FZD3: variants seen among roughly 807,000 people sequenced by gnomAD.
FZD3 encodes frizzled-3.
Under a neutral mutation model 60.7 loss-of-function variants are expected in FZD3, and 30 were observed. That is an observed-to-expected ratio of 0.49 (90% confidence interval 0.37 to 0.67). The LOEUF (loss-of-function observed/expected upper bound fraction) is 0.67, where lower values mean the gene tolerates loss of function less well. Ranked by LOEUF, FZD3 falls within the 30% of genes least tolerant of loss-of-function variation. The pLI is 0.00. For synonymous variants in FZD3, 246 were observed against 275.2 expected, an observed-to-expected ratio of 0.89 and a Z score of 1.05; for missense variants, 605 against 838.7, an observed-to-expected ratio of 0.72 and a Z score of 3.44.
chr8:28,532,003 A>G (rs76402615), intron 5 of FZD3, among the ~76,000 whole-genome samples: 7,472 of 152,258 alleles, frequency 0.049, 543 homozygotes, highest in African/African-American at 0.17. Context: ...CTCTAATCCC[A>G]TAAAATTTAT....
At position 28,502,833 on chromosome 8, in the gene FZD3, A is replaced by T. The variant is rs1326304733; in HGVS notation, c.-181A>T. 2.5e-6 allele frequency: 1 copy of T among 401,618 alleles called. No individual in the cohort carries two copies. The highest frequency in any genetic ancestry group is 4.3e-5 in the Admixed American group (1 of 23,392). The allele number at this position is 401,618 out of a possible 1,614,324, so 24.9% of individuals were successfully genotyped here. ...TCCCATATTGTGAAACCAAAAACAA[A>T]CGCCTTTTGTGAGACCAAGCTAACA... On this transcript the variant is annotated 5_prime_UTR_variant, in exon 3 of 8. Coordinates refer to ENST00000240093, the MANE Select transcript of FZD3 (RefSeq NM_017412.4).
At position 28,568,982 on chromosome 8, in the gene FZD3, A is replaced by G. The variant is rs1805754329; in HGVS notation, c.*5971A>G. ...CCTTGAAATAATTCAGATTTTGAAGATTCACTGTTTCATTATTTTGCTAAT... is the reference window on the plus strand; with the variant it reads ...CCTTGAAATAATTCAGATTTTGAAGGTTCACTGTTTCATTATTTTGCTAAT... On this transcript the variant is annotated 3_prime_UTR_variant, in exon 8 of 8. Transcript: ENST00000240093. The G allele has an allele frequency of 6.6e-6, 1 of 152,154 alleles. No individual in the cohort carries two copies. Among genetic ancestry groups the G allele is most frequent in the African/African-American group, 2.4e-5 (1 of 41,454 alleles). The allele number at this position is 152,154 out of a possible 1,614,324, so 9.4% of individuals were successfully genotyped here. A position where few individuals can be genotyped will look rare whatever the true frequency, so the allele number is the denominator to read the frequency against.
At chr8:28,509,171 A>C (rs1160242083) in intron 3 of FZD3, among the ~76,000 whole-genome samples, 1 of 151,990 alleles carries the variant, frequency 6.6e-6, no homozygotes, top group East Asian at 1.9e-4. Flanking sequence ...TTAATTTTTT[A>C]ATTTAAATTT....
intron 5 of FZD3, among the ~76,000 whole-genome samples, chr8:28,532,163 T>A (rs1347904666): frequency 6.6e-6 from 1 of 152,236 alleles, no homozygotes; most frequent in Admixed American, 6.5e-5. Context: ...CTCATTTGTA[T>A]AACCATGTGT....
At chr8:28,521,460 G>A (rs976998077) in intron 4 of FZD3, among the ~76,000 whole-genome samples, 1 of 151,978 alleles carries the variant, frequency 6.6e-6, no homozygotes, top group Non-Finnish European at 1.5e-5. Flanking sequence ...TAAAGAATAA[G>A]GTGAATACTT....
intron 3 of FZD3, among the ~76,000 whole-genome samples, chr8:28,507,587 C>T (rs750342346): frequency 3.3e-4 from 50 of 152,252 alleles, no homozygotes; most frequent in Non-Finnish European, 2.1e-4. Context: ...TTCTTCATTT[C>T]TTAGCTGGAA....
chr8:28,544,029 G>C (rs910637392), intron 5 of FZD3, among the ~76,000 whole-genome samples: 5 of 151,812 alleles, frequency 3.3e-5, no homozygotes, highest in Admixed American at 1.3e-4. Flanking sequence ...CCTCCGGGTG[G>C]GGAGGAGGCT....
At chr8:28,541,619 C>T (rs1051163492) in intron 5 of FZD3, among the ~76,000 whole-genome samples, 4 of 152,180 alleles carry the variant, frequency 2.6e-5, no homozygotes, top group African/African-American at 9.7e-5. Context: ...TATCCAGTCC[C>T]ATGTTTCAGA....
At chr8:28,545,834 A>G (rs576611532) in intron 5 of FZD3, among the ~76,000 whole-genome samples, 10 of 152,250 alleles carry the variant, frequency 6.6e-5, no homozygotes, top group Non-Finnish European at 1.2e-4. Flanking sequence ...ATATGTATAA[A>G]TAATATTATA....
At position 28,520,221 on chromosome 8, in the gene FZD3, CAAAA is replaced by C. The variant is rs199633141; in HGVS notation, c.190-406_190-403del. On this transcript the variant is annotated intron_variant, in intron 3 of 7. Transcript: ENST00000240093. ...TGAGACTCCATCTCAAAAAAAACAACAAAAAAAAAAAAAAGGAAGAAAGAAAGAA... is the reference window on the plus strand; with the variant it reads ...TGAGACTCCATCTCAAAAAAAACAACAAAAAAAAAAGGAAGAAAGAAAGAA... Among the ~76,000 whole-genome samples the C allele has an allele frequency of 4.5e-3, 594 of 131,048 alleles. 4 individuals are homozygous for C. Among genetic ancestry groups the C allele is most frequent in the African/African-American group, 0.016 (563 of 35,992 alleles). The allele number at this position is 131,048 out of a possible 152,430, so 86.0% of individuals were successfully genotyped here.
intron 5 of FZD3, among the ~76,000 whole-genome samples, chr8:28,529,938 AAAT>A (rs1451400995): frequency 6.6e-6 from 1 of 152,180 alleles, no homozygotes. Flanking sequence ...GCTATTGAAG[AAAT>A]AATGTTTGAC....
intron 5 of FZD3, chr8:28,530,628 A>G (rs932115471): frequency 6.6e-6 from 1 of 152,172 alleles, no homozygotes; most frequent in African/African-American, 2.4e-5. Flanking sequence ...AGCAAATGCA[A>G]TATTTGCTTC....
intron 2 of FZD3, among the ~76,000 whole-genome samples, chr8:28,500,984 A>G (rs1585940016): frequency 6.6e-6 from 1 of 151,690 alleles, no homozygotes; most frequent in African/African-American, 2.4e-5. Flanking sequence ...CTGGTCTTGA[A>G]CTCCTGACCT....
rs1805691256 is a variant in FZD3, at chr8:28,565,542, T to C, written c.*2531T>C. 2.0e-5 allele frequency: 3 copies of C among 152,204 alleles called. No individual in the cohort carries two copies. The highest frequency in any genetic ancestry group is 2.0e-4 in the Admixed American group (3 of 15,284). 9.4% of individuals were successfully genotyped at this position (152,204 alleles called of 1,614,324 possible). A position where few individuals can be genotyped will look rare whatever the true frequency, so the allele number is the denominator to read the frequency against. On this transcript the variant is annotated 3_prime_UTR_variant, in exon 8 of 8. Coordinates refer to ENST00000240093, the MANE Select transcript of FZD3 (RefSeq NM_017412.4). ...ATATTATCAACTGCCAAAATGTTAA[T>C]TGGTTTTCTTTTACAAGTGGGCCAA...
Position 28,563,559 on chromosome 8 carries a change from G to A in FZD3, c.*548G>A, listed in dbSNP as rs13265312. On this transcript the variant is annotated 3_prime_UTR_variant, in exon 8 of 8. Coordinates refer to ENST00000240093, the MANE Select transcript of FZD3 (RefSeq NM_017412.4). ...GTATTTTAGCTAATAGAATAAAAGT[G>A]CAACAGAAGAATTTGATTAGTCTAT... is the stretch of plus-strand genomic sequence containing the variant. 0.53 allele frequency: 81,899 copies of A among 153,922 alleles called. 22,336 individuals are homozygous for A. Among genetic ancestry groups the A allele is most frequent in the South Asian group, 0.63 (3,152 of 4,972 alleles). The allele number at this position is 153,922 out of a possible 1,614,324, so 9.5% of individuals were successfully genotyped here. A position where few individuals can be genotyped will look rare whatever the true frequency, so the allele number is the denominator to read the frequency against.
intron 6 of FZD3, among the ~76,000 whole-genome samples, chr8:28,552,450 AG>A: frequency 6.6e-6 from 1 of 152,318 alleles, no homozygotes; most frequent in African/African-American, 2.4e-5. Context: ...AAACAAAACA[AG>A]ACCCTTCAGT....
intron 5 of FZD3, among the ~76,000 whole-genome samples, chr8:28,540,970 A>T (rs568540338): frequency 2.0e-5 from 3 of 152,220 alleles, no homozygotes; most frequent in Non-Finnish European, 2.9e-5. Context: ...TCAGTTTATT[A>T]TAGGGCTTTT....
chr8:28,558,946 A>G (rs993693321), intron 7 of FZD3, among the ~76,000 whole-genome samples: 2 of 152,246 alleles, frequency 1.3e-5, no homozygotes, highest in Non-Finnish European at 2.9e-5. Flanking sequence ...AAGATAAGAC[A>G]TACACATATG....
intron 5 of FZD3, among the ~76,000 whole-genome samples, chr8:28,529,502 G>T (rs1360828897): frequency 6.6e-6 from 1 of 152,086 alleles, no homozygotes; most frequent in African/African-American, 2.4e-5. Flanking sequence ...TAATGATATT[G>T]TGGGTATATT....
Sources: allele counts gnomAD v4.1 joint callset (sites outside exome capture counted in the v4.1 genomes callset), GRCh38; gene constraint gnomAD v4.1.1; transcripts MANE v1.5; gene names NCBI Gene and HGNC (gene_info 2026-07-23, HGNC 2026-07-21).